Variants in DDX6 observed in about 807,000 individuals in gnomAD.
DDX6 encodes the protein probable ATP-dependent RNA helicase DDX6.
In DDX6, 7 loss-of-function variants were observed where a neutral mutation model predicts 60.6. That is an observed-to-expected ratio of 0.12 (90% CI 0.07 to 0.22). The LOEUF (loss-of-function observed/expected upper bound fraction) is 0.22, where lower values mean the gene tolerates loss of function less well. Ranked by LOEUF, DDX6 falls within the 10% of genes least tolerant of loss-of-function variation. The pLI is 1.00. For synonymous variants in DDX6, 207 were observed against 201.0 expected, an observed-to-expected ratio of 1.03 and a Z score of -0.25; for missense variants, 270 against 589.9, an observed-to-expected ratio of 0.46 and a Z score of 5.62.
At chr11:118,790,698 G>A (rs978723579) in intron 1 of DDX6, among the ~76,000 whole-genome samples, 1 of 151,724 alleles carries the variant, frequency 6.6e-6, no homozygotes, top group Non-Finnish European at 1.5e-5. Flanking sequence ...TCCTATATTC[G>A]CCTCCTCTCA....
intron 7 of DDX6, among the ~76,000 whole-genome samples, chr11:118,762,537 C>G (rs561094888): frequency 6.6e-6 from 1 of 152,114 alleles, no homozygotes; most frequent in Non-Finnish European, 1.5e-5. Flanking sequence ...TGTAGAGTAT[C>G]GGCTGTCTGC....
intron 4 of DDX6, among the ~76,000 whole-genome samples, chr11:118,777,186 T>C (rs1861728678): frequency 6.6e-6 from 1 of 152,042 alleles, no homozygotes; most frequent in Non-Finnish European, 1.5e-5. Context: ...ACCATATATC[T>C]GTCTTATTCA....
At chr11:118,770,372 C>T (rs1861496884) in intron 4 of DDX6, among the ~76,000 whole-genome samples, 1 of 152,130 alleles carries the variant, frequency 6.6e-6, no homozygotes, top group African/African-American at 2.4e-5. Context: ...ACCAAATTCA[C>T]AGTCACTGAC....
intron 4 of DDX6, among the ~76,000 whole-genome samples, chr11:118,769,868 C>A (rs942155316): frequency 6.6e-6 from 1 of 151,874 alleles, no homozygotes; most frequent in African/African-American, 2.4e-5. Context: ...CCACACCCGG[C>A]TAATTTTTTT....
intron 11 of DDX6, 47 bp downstream of exon 11, chr11:118,756,210 AAAC>A (rs782668590): frequency 6.5e-7 from 1 of 1,540,006 alleles, no homozygotes; most frequent in Non-Finnish European, 9.0e-7. Flanking sequence ...AGAAAGCAAA[AAAC>A]AACTTGGGAG....
intron 4 of DDX6, among the ~76,000 whole-genome samples, chr11:118,775,856 TGCAGTGGTTCACATCTATA>T (rs1861680395): frequency 6.6e-6 from 1 of 152,162 alleles, no homozygotes; most frequent in African/African-American, 2.4e-5. Flanking sequence ...CTGGGCTAAG[TGCAGTGGTTCACATCTATA>T]ATTCTAGCAC....
intron 4 of DDX6, among the ~76,000 whole-genome samples, chr11:118,775,577 A>T (rs1404566051): frequency 6.6e-6 from 1 of 152,180 alleles, no homozygotes; most frequent in Non-Finnish European, 1.5e-5. Context: ...GGTGACCTTG[A>T]GTATCTAAAA....
rs61308517 is a variant in DDX6 at position 118,749,381 on chromosome 11, A to AAC, written c.*2723_*2724insGT. The AAC allele has an allele frequency of 6.7e-6, 1 of 149,634 alleles. No homozygotes were observed. The highest frequency in any genetic ancestry group is 1.5e-5 in the Non-Finnish European group (1 of 67,498). The allele number at this position is 149,634 out of a possible 1,614,324, so 9.3% of individuals were successfully genotyped here. ...AAGAAAAAAAAAAAAAAAAAAAAAA[A>AAC]GACCAGGCTTTGACCTAGTCCTCAG... On this transcript the variant is annotated 3_prime_UTR_variant, in exon 14 of 14. Coordinates refer to ENST00000534980, the MANE Select transcript of DDX6 (RefSeq NM_004397.6).
intron 8 of DDX6, chr11:118,759,108 G>C: frequency 1.8e-6 from 1 of 541,716 alleles, no homozygotes; most frequent in African/African-American, 1.9e-5. Context: ...CACCCAGGCT[G>C]GAGTGTAGTG....
At chr11:118,779,600 C>T in intron 4 of DDX6, 32 bp downstream of exon 4, 1 of 1,402,946 alleles carries the variant, frequency 7.1e-7, no homozygotes, top group Non-Finnish European at 1.0e-6. Context: ...TGACACATAA[C>T]CTTACATATG....
In DDX6 at chr11:118,786,243, C is replaced by G. The variant is rs1424725291; in HGVS notation, c.9G>C (p.Thr3=). The stretch of plus-strand genomic sequence containing the variant: ...TTATAACAGGGTTCTCTGTTCTGGC[C>G]GTGCTCATGCTGTTTTAATTGCAAA... MS[T]ARTENPVIMG... is the part of the protein sequence containing the mutation. The change falls in exon 2 of 14, where the codon ACG becomes ACC. Residue 3 remains threonine, a synonymous_variant. Coordinates refer to ENST00000534980, the MANE Select transcript of DDX6 (RefSeq NM_004397.6). 2.5e-6 allele frequency: 4 copies of G among 1,597,898 alleles called. No individual in the cohort carries two copies. Among genetic ancestry groups the G allele is most frequent in the Non-Finnish European group, 3.4e-6 (4 of 1,172,724 alleles).
intron 11 of DDX6, among the ~76,000 whole-genome samples, chr11:118,756,029 C>CCCCCCCCA (rs1491121650): frequency 1.1e-5 from 1 of 94,984 alleles, no homozygotes; most frequent in African/African-American, 4.0e-5. Context: ...CCCCCCCCCC[C>CCCCCCCCA]AAAAAAAAGA....
intron 7 of DDX6, among the ~76,000 whole-genome samples, chr11:118,762,475 C>T (rs777557040): frequency 5.7e-5 from 8 of 139,452 alleles, no homozygotes; most frequent in South Asian, 2.4e-4. Context: ...TTTAAACATG[C>T]TCCACTTACC....
intron 7 of DDX6, among the ~76,000 whole-genome samples, chr11:118,762,877 G>A (rs1302882821): frequency 6.6e-6 from 1 of 152,114 alleles, no homozygotes; most frequent in Non-Finnish European, 1.5e-5. Context: ...AAAATGAGAA[G>A]AGACAATATA....
At chr11:118,778,019 A>G (rs1565575557) in intron 4 of DDX6, among the ~76,000 whole-genome samples, 1 of 147,726 alleles carries the variant, frequency 6.8e-6, no homozygotes, top group Non-Finnish European at 1.5e-5. Context: ...TAGAATAATA[A>G]TAAAAAAAAA....
At chr11:118,753,632 C>T (rs572942429) in intron 13 of DDX6, among the ~76,000 whole-genome samples, 1 of 152,074 alleles carries the variant, frequency 6.6e-6, no homozygotes, top group Admixed American at 6.5e-5. Flanking sequence ...GCCACCGCAC[C>T]CGGCCCAGAG....
Position 118,786,334 on chromosome 11 carries a change from TC to T in DDX6, c.-84del. The T allele has an allele frequency of 8.3e-7, 1 of 1,211,116 alleles. No individual in the cohort carries two copies. The highest frequency in any genetic ancestry group is 1.2e-6 in the Non-Finnish European group (1 of 867,690). The allele number at this position is 1,211,116 out of a possible 1,614,324, so 75.0% of individuals were successfully genotyped here. On this transcript the variant is annotated 5_prime_UTR_variant, in exon 2 of 14. Transcript: ENST00000534980. The stretch of plus-strand genomic sequence containing the variant: ...ACTGTAATAACAGTTTATTAGGCTC[TC>T]CAAAATGAAGAGATAAATATAAGTC...
At chr11:118,772,245 A>C (rs1172703213) in intron 4 of DDX6, among the ~76,000 whole-genome samples, 4 of 152,202 alleles carry the variant, frequency 2.6e-5, no homozygotes, top group Non-Finnish European at 5.9e-5. Flanking sequence ...CTTGGAAAAC[A>C]ACCCCAAATG....
rs1440293229 is a variant in DDX6 at position 118,749,123 on chromosome 11, G to A, written c.*2982C>T. On this transcript the variant is annotated 3_prime_UTR_variant, in exon 14 of 14. Coordinates refer to ENST00000534980, the MANE Select transcript of DDX6 (RefSeq NM_004397.6). ...AATATATGGGGAAAGAAAAAACATA[G>A]GCCTAGAGGTGGTAAGGTGTGTAAC... 2 of 152,016 alleles carry A rather than the reference G, an allele frequency of 1.3e-5. No homozygotes were observed. The highest frequency in any genetic ancestry group is 4.8e-5 in the African/African-American group (2 of 41,370). The allele number at this position is 152,016 out of a possible 1,614,324, so 9.4% of individuals were successfully genotyped here.
Sources: allele counts gnomAD v4.1 joint callset (sites outside exome capture counted in the v4.1 genomes callset), GRCh38; gene constraint gnomAD v4.1.1; transcripts MANE v1.5; gene names NCBI Gene and HGNC (gene_info 2026-07-23, HGNC 2026-07-21).